KLHL20: variants seen among roughly 807,000 people sequenced by gnomAD.
KLHL20 encodes kelch like family member 20.
In KLHL20, 29 loss-of-function variants were observed where a neutral mutation model predicts 69.5. The ratio of observed to expected loss-of-function variants is 0.42; its 90% CI spans 0.31 to 0.57. The LOEUF (loss-of-function observed/expected upper bound fraction) is 0.57, where lower values mean the gene tolerates loss of function less well. KLHL20 is among the 20% of genes least tolerant of loss of function. The pLI is 0.18. For synonymous variants in KLHL20, 253 were observed against 265.2 expected, an observed-to-expected ratio of 0.95 and a Z score of 0.45; for missense variants, 419 against 776.0, an observed-to-expected ratio of 0.54 and a Z score of 5.47.
At chr1:173,751,364 T>C (rs966136674) in intron 3 of KLHL20, among the ~76,000 whole-genome samples, 1 of 152,194 alleles carries the variant, frequency 6.6e-6, no homozygotes, top group Admixed American at 6.5e-5. Context: ...CTTATTCTTT[T>C]TTGAAACTGA....
At chr1:173,751,051 C>G (rs888852036) in intron 3 of KLHL20, among the ~76,000 whole-genome samples, 8 of 152,076 alleles carry the variant, frequency 5.3e-5, no homozygotes, top group Non-Finnish European at 8.8e-5. Flanking sequence ...ATATAACAAA[C>G]CACGTGAAGG....
intron 3 of KLHL20, among the ~76,000 whole-genome samples, chr1:173,737,303 A>C (rs777625442): frequency 2.0e-5 from 3 of 152,226 alleles, no homozygotes; most frequent in African/African-American, 7.2e-5. Flanking sequence ...GCCTGAGCCA[A>C]TGTCTAGAAG....
At chr1:173,734,533 T>A (rs1558189541) in intron 3 of KLHL20, 5 of 468,086 alleles carry the variant, frequency 1.1e-5, no homozygotes, top group South Asian at 2.5e-5. Context: ...AAAAAATTTT[T>A]AAAAAGGTTT....
At chr1:173,778,385 A>G (rs1055394884) in intron 10 of KLHL20, among the ~76,000 whole-genome samples, 14 of 152,150 alleles carry the variant, frequency 9.2e-5, no homozygotes, top group South Asian at 6.2e-4. Context: ...TTGGAGTGCA[A>G]TGATACAATG....
intron 4 of KLHL20, among the ~76,000 whole-genome samples, chr1:173,752,127 T>C (rs1383625079): frequency 6.6e-6 from 1 of 151,916 alleles, no homozygotes; most frequent in Non-Finnish European, 1.5e-5. Context: ...TCCCAGCTAC[T>C]TGGGAGCGTG....
chr1:173,738,875 T>C lies in KLHL20; in HGVS notation c.597+4589T>C, dbSNP rs142795865. ...ATCATGGTGGATTATCTTTTTGATATGCTGTTGGATTCAGTTAGCTATTAT... is the reference window on the plus strand; with the variant it reads ...ATCATGGTGGATTATCTTTTTGATACGCTGTTGGATTCAGTTAGCTATTAT... On this transcript the variant is annotated intron_variant, in intron 3 of 11. Transcript: ENST00000209884. 3.4e-3 allele frequency among the ~76,000 whole-genome samples: 515 copies of C among 152,358 alleles called. 2 individuals are homozygous for C. The highest frequency in any genetic ancestry group is 0.022 in the South Asian group (104 of 4,824).
chr1:173,753,131 C>T (rs780356604), intron 4 of KLHL20, 82 bp from the exon 5 acceptor site: 61 of 1,098,210 alleles, frequency 5.6e-5, no homozygotes, highest in Non-Finnish European at 7.7e-5. Flanking sequence ...TACGATCATG[C>T]CACTGTACTC....
intron 7 of KLHL20, among the ~76,000 whole-genome samples, chr1:173,762,793 C>T (rs1262722291): frequency 1.3e-5 from 2 of 152,170 alleles, no homozygotes; most frequent in Non-Finnish European, 2.9e-5. Flanking sequence ...AAGTTGAAAG[C>T]ATTCCCTGTG....
At chr1:173,740,842 A>G (rs992370827) in intron 3 of KLHL20, among the ~76,000 whole-genome samples, 4 of 151,772 alleles carry the variant, frequency 2.6e-5, no homozygotes, top group East Asian at 1.9e-4. Flanking sequence ...TGCCCAGGAA[A>G]ATTTGCACTC....
intron 7 of KLHL20, among the ~76,000 whole-genome samples, chr1:173,765,372 G>A (rs1282069574): frequency 6.6e-6 from 1 of 151,994 alleles, no homozygotes; most frequent in Non-Finnish European, 1.5e-5. Context: ...GTGTGGTGGC[G>A]GGCGCCTGTA....
chr1:173,717,858 AAATC>A (rs1671536286), intron 2 of KLHL20, among the ~76,000 whole-genome samples: 1 of 152,232 alleles, frequency 6.6e-6, no homozygotes, highest in Non-Finnish European at 1.5e-5. Flanking sequence ...AAGTTTTATG[AAATC>A]AATTGGCATT....
intron 11 of KLHL20, among the ~76,000 whole-genome samples, chr1:173,782,671 A>G (rs1474151878): frequency 6.6e-6 from 1 of 152,314 alleles, no homozygotes; most frequent in East Asian, 1.9e-4. Context: ...TGAAAAATTA[A>G]TATTTGAAAA....
chr1:173,716,520 GT>G (rs1671475969), intron 2 of KLHL20, among the ~76,000 whole-genome samples: 3 of 152,082 alleles, frequency 2.0e-5, no homozygotes, highest in African/African-American at 7.2e-5. Flanking sequence ...TAGCTGCATT[GT>G]AGGGAAGATT....
Position 173,720,338 on chromosome 1 carries a change from A to G in KLHL20, c.23+4272A>G, listed in dbSNP as rs537936254. On this transcript the variant is annotated intron_variant, in intron 2 of 11. Coordinates refer to ENST00000209884, the MANE Select transcript of KLHL20 (RefSeq NM_014458.4). ...GAAGGAACAGCTTGTGCAAAAAAAA[A>G]AAAGATAAGAGAGAGTACCAAGACC... Among the ~76,000 whole-genome samples, 5 of 152,230 alleles carry G rather than the reference A, an allele frequency of 3.3e-5. No homozygotes were observed. The East Asian group carries it at 9.6e-4, about 29-fold the overall frequency.
At chr1:173,759,514 A>G (rs1004399894) in intron 7 of KLHL20, among the ~76,000 whole-genome samples, 9 of 152,294 alleles carry the variant, frequency 5.9e-5, no homozygotes, top group South Asian at 2.1e-4. Flanking sequence ...TGGTATCCAC[A>G]GCTGAGAGAC....
chr1:173,723,022 T>C (rs1316283052), intron 2 of KLHL20, among the ~76,000 whole-genome samples: 2 of 152,142 alleles, frequency 1.3e-5, no homozygotes, highest in Non-Finnish European at 2.9e-5. Context: ...ACGGAGACAT[T>C]AGCTTAGTTT....
In KLHL20 at chr1:173,733,873, A is replaced by C; in HGVS notation, c.184A>C (p.Arg62=). ...AACCTTGGAAGTGATTAACCTTCTG[A>C]GAAAGCACCGGGAGCTATGTGATGT... ...RQTLEVINLL[R]KHRELCDVVL... Residue 62 remains arginine, a synonymous_variant, in exon 3 of 12, where the codon AGA becomes CGA. Coordinates refer to ENST00000209884, the MANE Select transcript of KLHL20 (RefSeq NM_014458.4). 6.2e-7 allele frequency: 1 copy of C among 1,614,158 alleles called. No homozygotes were observed. Among genetic ancestry groups the C allele is most frequent in the Non-Finnish European group, 8.5e-7 (1 of 1,180,044 alleles).
At chr1:173,740,622 A>G (rs1472390132) in intron 3 of KLHL20, among the ~76,000 whole-genome samples, 1 of 151,620 alleles carries the variant, frequency 6.6e-6, no homozygotes, top group Non-Finnish European at 1.5e-5. Context: ...GAATTTTTTA[A>G]TTTTCATCTT....
chr1:173,783,959 A>G (rs1242157340), intron 11 of KLHL20, among the ~76,000 whole-genome samples: 1 of 152,066 alleles, frequency 6.6e-6, no homozygotes, highest in Non-Finnish European at 1.5e-5. Context: ...CACGCCTGTA[A>G]TCCCAGCTAC....
Sources: gnomAD v4.1 joint callset for allele counts (sites outside exome capture counted in the v4.1 genomes callset) on GRCh38, gnomAD v4.1.1 for gene constraint, MANE v1.5 for transcripts, NCBI Gene and HGNC (gene_info 2026-07-23, HGNC 2026-07-21) for gene names.